Variants in EGFR observed in about 807,000 individuals in gnomAD.
EGFR encodes epidermal growth factor receptor.
A neutral mutation model predicts 143.0 loss-of-function variants in EGFR; 58 were observed. The ratio of observed to expected loss-of-function variants is 0.41; its 90% confidence interval spans 0.33 to 0.50. The LOEUF is 0.50. Ranked by LOEUF, EGFR falls within the 20% of genes least tolerant of loss-of-function variation. EGFR has a pLI of 0.39. For synonymous variants in EGFR, 613 were observed against 594.4 expected (o/e 1.03, Z -0.45); for missense variants, 1,307 against 1,579.0 (o/e 0.83, Z 2.92).
intron 20 of EGFR, among the ~76,000 whole-genome samples, chr7:55,187,629 GA>G (rs1787199859): frequency 6.6e-6 from 1 of 152,228 alleles, no homozygotes; most frequent in South Asian, 2.1e-4. Flanking sequence ...AAGCTGGCCT[GA>G]GGAACAGACT....
intron 27 of EGFR, among the ~76,000 whole-genome samples, chr7:55,204,876 A>G (rs979484145): frequency 4.9e-5 from 7 of 141,632 alleles, no homozygotes; most frequent in Non-Finnish European, 9.3e-5. Flanking sequence ...CACACATACA[A>G]ATATACACCA....
At chr7:55,200,044 C>T (rs1421921324) in intron 23 of EGFR, among the ~76,000 whole-genome samples, 1 of 152,200 alleles carries the variant, frequency 6.6e-6, no homozygotes, top group Admixed American at 6.5e-5. Flanking sequence ...TCCCCTCAGG[C>T]GTAACACAGG....
intron 7 of EGFR, among the ~76,000 whole-genome samples, chr7:55,154,984 CCACAGTGATGACA>C (rs1315392352): frequency 6.6e-6 from 1 of 151,840 alleles, no homozygotes; most frequent in Non-Finnish European, 1.5e-5. Context: ...GAAAAATGTG[CCACAGTGATGACA>C]CAGATATATC....
At chr7:55,169,227 A>G (rs1415891973) in intron 15 of EGFR, among the ~76,000 whole-genome samples, 2 of 151,862 alleles carry the variant, frequency 1.3e-5, no homozygotes, top group African/African-American at 4.8e-5. Context: ...CAGCCTCCCG[A>G]GTAGCTGGGA....
At position 55,152,647 on chromosome 7, in the gene EGFR, C is replaced by T. The variant is rs554981236; in HGVS notation, c.730C>T (p.Arg244Trp). The T allele has an allele frequency of 1.9e-5, 30 of 1,613,594 alleles. No homozygotes were observed. The highest frequency in any genetic ancestry group is 1.6e-4 in the East Asian group (7 of 44,860). ...GTGTGCTGCAGGCTGCACAGGCCCC[C>T]GGGAGAGCGACTGCCTGGTAAGATG... ...NQCAAGCTGP[R>W]ESDCLVCRKF... is the part of the protein sequence containing the mutation. The change falls in exon 6 of 28, where the codon CGG becomes TGG. Residue 244 changes from arginine to tryptophan, a missense_variant. This residue lies in a region of EGFR where 311 missense variants were observed against 412.3 expected (regional missense o/e 0.75). Coordinates refer to ENST00000275493, the MANE Select transcript of EGFR (RefSeq NM_005228.5).
chr7:55,028,169 G>C (rs914053693), intron 1 of EGFR, among the ~76,000 whole-genome samples: 1 of 151,874 alleles, frequency 6.6e-6, no homozygotes, highest in Non-Finnish European at 1.5e-5. Context: ...GTGCACAGCA[G>C]ATGACGTCAT....
At chr7:55,112,732 G>A (rs1323404460) in intron 1 of EGFR, among the ~76,000 whole-genome samples, 1 of 152,214 alleles carries the variant, frequency 6.6e-6, no homozygotes, top group African/African-American at 2.4e-5. Context: ...CAGTGAGTTT[G>A]TAGACTATGG....
chr7:55,137,462 A>C (rs1235442740), intron 1 of EGFR, among the ~76,000 whole-genome samples: 1 of 152,228 alleles, frequency 6.6e-6, no homozygotes, highest in Non-Finnish European at 1.5e-5. Context: ...CCATAATAGC[A>C]GAGGAAGGCC....
At chr7:55,127,307 A>C (rs1023961912) in intron 1 of EGFR, among the ~76,000 whole-genome samples, 7 of 152,130 alleles carry the variant, frequency 4.6e-5, no homozygotes, top group Admixed American at 1.3e-4. Context: ...CCCAAACCAA[A>C]CATCACGGCC....
chr7:55,089,665 C>T (rs1790982462), intron 1 of EGFR, among the ~76,000 whole-genome samples: 1 of 152,176 alleles, frequency 6.6e-6, no homozygotes, highest in Non-Finnish European at 1.5e-5. Flanking sequence ...TACCCAACAA[C>T]CAGCCTACTG....
At chr7:55,157,092 GCCCATAAC>G in intron 10 of EGFR, 1 of 821,216 alleles carries the variant, frequency 1.2e-6, no homozygotes, top group South Asian at 1.8e-5. Context: ...TGCCTTGGTG[GCCCATAAC>G]CCCTGAGGGT....
chr7:55,187,304 A>ATCTAAGTCAGTGCTG (rs71014683), intron 20 of EGFR, among the ~76,000 whole-genome samples: 84,387 of 152,032 alleles, frequency 0.56, 24,033 homozygotes, highest in Middle Eastern at 0.68. Flanking sequence ...CATGGGTGCT[A>ATCTAAGTCAGTGCTG]TCTCTACATA....
chr7:55,153,962 G>T, intron 6 of EGFR, 49 bp from the exon 7 acceptor site: 1 of 1,613,570 alleles, frequency 6.2e-7, no homozygotes, highest in Non-Finnish European at 8.5e-7. Flanking sequence ...CGTGTGTGGC[G>T]CTGAGTGTAC....
intron 1 of EGFR, among the ~76,000 whole-genome samples, chr7:55,116,143 G>T (rs888685202): frequency 6.6e-6 from 1 of 152,174 alleles, no homozygotes; most frequent in Non-Finnish European, 1.5e-5. Context: ...GAAAAGAAAG[G>T]CTTGACAACA....
chr7:55,087,751 G>A (rs1007923064), intron 1 of EGFR, among the ~76,000 whole-genome samples: 4 of 152,256 alleles, frequency 2.6e-5, no homozygotes, highest in Non-Finnish European at 4.4e-5. Flanking sequence ...GAGTCTCCTC[G>A]AAGATGTGGA....
rs938052317 is a variant in EGFR, at chr7:55,094,751, T to A, written c.89-47535T>A. On this transcript the variant is annotated intron_variant, in intron 1 of 27. Transcript: ENST00000275493. ...TAAATACATAGTGCTTTAGGTGTATTTCTATACATCTTAATTGATATGGGA... is the reference window on the plus strand; with the variant it reads ...TAAATACATAGTGCTTTAGGTGTATATCTATACATCTTAATTGATATGGGA... Among the ~76,000 whole-genome samples, 3 of 152,248 alleles carry A rather than the reference T, an allele frequency of 2.0e-5. No homozygotes were observed. The South Asian group carries it at 6.2e-4, about 31-fold the overall frequency.
intron 1 of EGFR, among the ~76,000 whole-genome samples, chr7:55,065,288 G>A (rs900398175): frequency 6.6e-6 from 1 of 152,182 alleles, no homozygotes; most frequent in African/African-American, 2.4e-5. Context: ...GGAGAGGGGT[G>A]GACGAGGAGT....
chr7:55,125,527 C>G, intron 1 of EGFR, among the ~76,000 whole-genome samples: 1 of 152,208 alleles, frequency 6.6e-6, no homozygotes, highest in East Asian at 1.9e-4. Context: ...AAACACATAC[C>G]TAGGGATGAT....
At chr7:55,051,610 C>T (rs181957492) in intron 1 of EGFR, among the ~76,000 whole-genome samples, 1 of 152,142 alleles carries the variant, frequency 6.6e-6, no homozygotes, top group Non-Finnish European at 1.5e-5. Flanking sequence ...TATAAATTAC[C>T]CAGTCTGTGG....
Sources: allele counts gnomAD v4.1 joint callset (sites outside exome capture counted in the v4.1 genomes callset), GRCh38; gene constraint gnomAD v4.1.1; regional missense constraint gnomAD v4.1.1; transcripts MANE v1.5; gene names NCBI Gene and HGNC (gene_info 2026-07-23, HGNC 2026-07-21).